The following TBCE variants were observed in gnomAD, a reference collection of about 807,000 sequenced individuals.
The protein encoded by TBCE is tubulin-specific chaperone E.
TBCE carries 53 observed loss-of-function variants against 77.0 expected under a neutral mutation model. The observed-to-expected ratio is 0.69, with a 90% confidence interval of 0.55 to 0.87. The LOEUF (loss-of-function observed/expected upper bound fraction) is 0.87, where lower values mean the gene tolerates loss of function less well. Ranked by LOEUF, TBCE falls within the 40% of genes least tolerant of loss-of-function variation. The pLI, the probability that TBCE is intolerant of heterozygous loss-of-function variation, is 0.00. For synonymous variants in TBCE, 235 were observed against 241.3 expected, an observed-to-expected ratio of 0.97 and a Z score of 0.24; for missense variants, 624 against 622.4, an observed-to-expected ratio of 1.00 and a Z score of -0.03.
Position 235,442,878 on chromosome 1 carries a change from C to T in TBCE, c.1366C>T (p.Leu456Phe), listed in dbSNP as rs1194973605. Residue 456 changes from leucine to phenylalanine, a missense_variant, in exon 15 of 17, where the codon CTT (leucine) becomes TTT (phenylalanine). Coordinates refer to ENST00000642610, the MANE Select transcript of TBCE (RefSeq NM_003193.5). ...ACTGAAGATAAAATACCCTCATCAA[C>T]TTGATCAGAAAGTCCTGGAGAAACA... The part of the protein sequence containing the change: ...LTLKIKYPHQ[L>F]DQKVLEKQLP... 1.9e-5 allele frequency: 30 copies of T among 1,614,060 alleles called. No individual in the cohort carries two copies. Among genetic ancestry groups the T allele is most frequent in the Non-Finnish European group, 2.5e-5 (29 of 1,179,992 alleles).
chr1:235,378,868 GA>G (rs1260736259), intron 1 of TBCE, among the ~76,000 whole-genome samples: 2 of 151,406 alleles, frequency 1.3e-5, no homozygotes, highest in Non-Finnish European at 2.9e-5. Flanking sequence ...CTCAAGAAAA[GA>G]AAAAAAGAAA....
rs1159339126 is a variant in TBCE at position 235,419,528 on chromosome 1, G to C, written c.427G>C (p.Gly143Arg). 8 of 1,614,044 alleles carry C rather than the reference G, an allele frequency of 5.0e-6. No individual in the cohort carries two copies. Among genetic ancestry groups the C allele is most frequent in the Non-Finnish European group, 6.8e-6 (8 of 1,180,020 alleles). The change falls in exon 5 of 17, where the codon GGT (glycine) becomes CGT (arginine). Residue 143 changes from glycine to arginine, a missense_variant. Transcript: ENST00000642610. ...SLRNCAVSCA[G>R]EKGGVAEACP... ...GAGGAACTGTGCAGTAAGTTGTGCTGGTGAAAAAGGAGGAGTTGCTGAAGC... is the reference window on the plus strand; with the variant it reads ...GAGGAACTGTGCAGTAAGTTGTGCTCGTGAAAAAGGAGGAGTTGCTGAAGC...
chr1:235,441,760 TTTAC>T (rs1250492805), intron 13 of TBCE, 50 bp from the exon 14 acceptor site: 1 of 1,537,390 alleles, frequency 6.5e-7, no homozygotes, highest in African/African-American at 1.4e-5. Flanking sequence ...TTGTTTTGTT[TTTAC>T]TTATAGTGGC....
intron 12 of TBCE, among the ~76,000 whole-genome samples, chr1:235,437,904 G>A (rs1403263727): frequency 1.3e-5 from 2 of 152,038 alleles, no homozygotes; most frequent in Non-Finnish European, 2.9e-5. Context: ...GAATGGTAAA[G>A]ATTAGCCTTG....
chr1:235,430,974 A>G (rs1681050358), intron 7 of TBCE, among the ~76,000 whole-genome samples, 170 bp downstream of exon 7: 1 of 152,214 alleles, frequency 6.6e-6, no homozygotes, highest in Non-Finnish European at 1.5e-5. Flanking sequence ...AAACGAGTTA[A>G]AAGAGCATCA....
At position 235,450,983 on chromosome 1, in the gene TBCE, A is replaced by G. The variant is rs1682863363; in HGVS notation, c.*2221A>G. ...ACTCATTCAATGTTTTGACAACACA[A>G]AAATGTTGGATAAAATTAAAAACCT... On this transcript the variant is annotated 3_prime_UTR_variant, in exon 17 of 17. Transcript: ENST00000642610. 6.6e-6 allele frequency: 1 copy of G among 152,238 alleles called. No homozygotes were observed. The allele number at this position is 152,238 out of a possible 1,614,324, so 9.4% of individuals were successfully genotyped here.
At chr1:235,447,986 G>A (rs1053826915) in intron 15 of TBCE, among the ~76,000 whole-genome samples, 2 of 151,950 alleles carry the variant, frequency 1.3e-5, no homozygotes, top group East Asian at 1.9e-4. Flanking sequence ...CAGGGCGGGC[G>A]GATCACGAGG....
chr1:235,397,649 A>C (rs183726202), intron 2 of TBCE, among the ~76,000 whole-genome samples: 3 of 152,194 alleles, frequency 2.0e-5, no homozygotes, highest in Non-Finnish European at 4.4e-5. Flanking sequence ...ATAGGAAACA[A>C]ATTAGGTTGA....
chr1:235,434,880 G>C (rs1487860114), intron 8 of TBCE, among the ~76,000 whole-genome samples: 2 of 152,008 alleles, frequency 1.3e-5, no homozygotes, highest in Non-Finnish European at 2.9e-5. Flanking sequence ...TTTTTCATTA[G>C]CATCATCTGT....
intron 4 of TBCE, among the ~76,000 whole-genome samples, chr1:235,417,121 C>T (rs1680153735): frequency 6.6e-6 from 1 of 152,098 alleles, no homozygotes; most frequent in Non-Finnish European, 1.5e-5. Context: ...AAGAGACTTA[C>T]TCAATAAAGG....
intron 15 of TBCE, among the ~76,000 whole-genome samples, chr1:235,445,719 T>C (rs1020930558): frequency 5.3e-5 from 8 of 151,732 alleles, no homozygotes; most frequent in African/African-American, 1.9e-4. Flanking sequence ...CTGGCTGGCA[T>C]GAAAAAGCAG....
intron 4 of TBCE, among the ~76,000 whole-genome samples, chr1:235,416,541 CAAA>C (rs3083678): frequency 8.1e-5 from 12 of 148,428 alleles, no homozygotes; most frequent in East Asian, 2.0e-4. Flanking sequence ...ACACACAAAC[CAAA>C]AAAAAAAAAC....
chr1:235,430,661 T>C, intron 6 of TBCE, 44 bp from the exon 7 acceptor site: 1 of 1,413,794 alleles, frequency 7.1e-7, no homozygotes, highest in South Asian at 1.2e-5. Context: ...CAGTTGGGTT[T>C]ACTGTATAGA....
chr1:235,433,009 G>T (rs766052873), intron 7 of TBCE: 16 of 1,522,574 alleles, frequency 1.1e-5, no homozygotes, highest in Non-Finnish European at 1.4e-5. Context: ...CAGCAAGTTC[G>T]TGGATCTGTG....
intron 11 of TBCE, 23 bp downstream of exon 11, chr1:235,436,631 C>T (rs775171608): frequency 8.1e-6 from 13 of 1,600,502 alleles, no homozygotes; most frequent in Admixed American, 3.3e-5. Flanking sequence ...CGGAGTATGC[C>T]CAGCACACTG....
At chr1:235,394,218 G>T (rs996681102) in intron 2 of TBCE, among the ~76,000 whole-genome samples, 2 of 151,872 alleles carry the variant, frequency 1.3e-5, no homozygotes, top group South Asian at 4.1e-4. Context: ...GGAAATACAG[G>T]CGCCCACCAC....
intron 1 of TBCE, among the ~76,000 whole-genome samples, chr1:235,371,490 C>T (rs560057489): frequency 6.6e-6 from 1 of 151,300 alleles, no homozygotes; most frequent in African/African-American, 2.4e-5. Flanking sequence ...ATTCTCCCAC[C>T]TCAGCCTCTG....
chr1:235,441,670 C>T (rs1227472602), intron 13 of TBCE, 144 bp from the exon 14 acceptor site: 1 of 704,968 alleles, frequency 1.4e-6, no homozygotes, highest in Non-Finnish European at 2.4e-6. Flanking sequence ...TCCTAAAAAT[C>T]ACACTGAATA....
At chr1:235,368,724 A>ATT (rs750475367) in intron 1 of TBCE, among the ~76,000 whole-genome samples, 2 of 142,610 alleles carry the variant, frequency 1.4e-5, no homozygotes, top group Admixed American at 7.0e-5. Context: ...TGCCCAGCTA[A>ATT]TTTTTTTTTT....
Sources: allele counts gnomAD v4.1 joint callset (sites outside exome capture counted in the v4.1 genomes callset), GRCh38; gene constraint gnomAD v4.1.1; transcripts MANE v1.5; gene names NCBI Gene and HGNC (gene_info 2026-07-23, HGNC 2026-07-21).